The following SCAF8 variants were observed in gnomAD, a reference collection of about 807,000 sequenced individuals.
The protein encoded by SCAF8 is SR-related and CTD-associated factor 8.
A neutral mutation model predicts 140.5 loss-of-function variants in SCAF8; 23 were observed. The ratio of observed to expected loss-of-function variants is 0.16; its 90% CI spans 0.12 to 0.23. The LOEUF is 0.23. Ranked by LOEUF, SCAF8 falls within the 10% of genes least tolerant of loss-of-function variation. SCAF8 has a pLI of 1.00. For synonymous variants in SCAF8, 575 were observed against 528.9 expected (o/e 1.09, Z -1.20); for missense variants, 1,397 against 1,555.7 (o/e 0.90, Z 1.72).
chr6:154,768,582 C>A (rs913734022), intron 1 of SCAF8, among the ~76,000 whole-genome samples: 1 of 152,138 alleles, frequency 6.6e-6, no homozygotes, highest in African/African-American at 2.4e-5. Flanking sequence ...GTTTCTCTCT[C>A]CTGTGAATGG....
At chr6:154,735,912 T>G (rs1035095503) in intron 1 of SCAF8, among the ~76,000 whole-genome samples, 4 of 151,016 alleles carry the variant, frequency 2.6e-5, no homozygotes, top group Admixed American at 2.6e-4. Flanking sequence ...CTGCATCCTT[T>G]GCCTCCCGGG....
intron 7 of SCAF8, among the ~76,000 whole-genome samples, chr6:154,802,827 A>G (rs1334999424): frequency 1.3e-5 from 2 of 152,152 alleles, no homozygotes; most frequent in East Asian, 1.9e-4. Context: ...TCTTTAATCA[A>G]TATGTAAAAT....
At chr6:154,788,537 G>A (rs1217370371) in intron 4 of SCAF8, among the ~76,000 whole-genome samples, 2 of 152,214 alleles carry the variant, frequency 1.3e-5, no homozygotes, top group Non-Finnish European at 2.9e-5. Context: ...ATAGAAAGAT[G>A]TAGCAGATTT....
intron 14 of SCAF8, among the ~76,000 whole-genome samples, chr6:154,819,944 A>G (rs958491304): frequency 3.9e-5 from 6 of 152,104 alleles, no homozygotes; most frequent in Non-Finnish European, 8.8e-5. Context: ...AACCATGATC[A>G]TGCCACTGCA....
intron 14 of SCAF8, among the ~76,000 whole-genome samples, chr6:154,819,062 T>A (rs974569083): frequency 6.9e-6 from 1 of 143,958 alleles, no homozygotes; most frequent in Non-Finnish European, 1.5e-5. Flanking sequence ...TTTTATTTTC[T>A]TCCTAATCTT....
intron 1 of SCAF8, among the ~76,000 whole-genome samples, chr6:154,734,767 C>T (rs1389793149): frequency 6.6e-6 from 1 of 152,176 alleles, no homozygotes; most frequent in African/African-American, 2.4e-5. Flanking sequence ...TTAATGTAAA[C>T]ATCAAACATA....
At position 154,820,265 on chromosome 6, in the gene SCAF8, A is replaced by C. The variant is rs893985416; in HGVS notation, c.1724A>C (p.Lys575Thr). The change falls in exon 15 of 20, where the codon AAA becomes ACA. Residue 575 changes from lysine to threonine, a missense_variant. Lys to Thr is a moderately conservative substitution (Grantham distance 78). Around this residue, in one of 5 missense-constraint regions of SCAF8, gnomAD observed 930 missense variants for 874.6 expected, o/e 1.06. Transcript: ENST00000367178. ...GGAGTTACATATATACCATGGGAAA[A>C]AGTTAAAGTGGATGACTTGGAAGGT... Reference protein sequence around the residue: ...DLGVTYIPWEKVKVDDLEGFA... With the variant: ...DLGVTYIPWETVKVDDLEGFA... 3.1e-6 allele frequency: 5 copies of C among 1,612,404 alleles called. No individual in the cohort carries two copies. The highest frequency in any genetic ancestry group is 3.4e-6 in the Non-Finnish European group (4 of 1,179,432).
In SCAF8 at chr6:154,733,543, T is replaced by C; in HGVS notation, c.-358T>C. On this transcript the variant is annotated 5_prime_UTR_variant, in exon 1 of 20. Transcript: ENST00000367178. ...CGTCGGAGGAAGGGGCAGAAGGGAG[T>C]GGAGAGTGTAGGGGAAGGGGCTAGA... 7.8e-7 allele frequency: 1 copy of C among 1,284,042 alleles called. No individual in the cohort carries two copies. Among genetic ancestry groups the C allele is most frequent in the South Asian group, 2.4e-5 (1 of 42,512 alleles). 79.5% of individuals were successfully genotyped at this position (1,284,042 alleles called of 1,614,324 possible). A position where few individuals can be genotyped will look rare whatever the true frequency, so the allele number is the denominator to read the frequency against.
At chr6:154,829,459 C>T (rs1778665296) in intron 18 of SCAF8, among the ~76,000 whole-genome samples, 1 of 152,012 alleles carries the variant, frequency 6.6e-6, no homozygotes, top group African/African-American at 2.4e-5. Context: ...CAGTAATTCT[C>T]CAAGCTTCTG....
chr6:154,818,531 C>G lies in SCAF8; in HGVS notation c.1574C>G (p.Ala525Gly), dbSNP rs746437678. ...GTCTGCATGGTTCATCGACAAGATG[C>G]ATTTCGAGCTCTTCAGAAACTCAGT... ...AYVCMVHRQD[A>G]FRALQKLSSG... The change falls in exon 14 of 20, where the codon GCA (alanine) becomes GGA (glycine). Residue 525 changes from alanine to glycine, a missense_variant. Transcript: ENST00000367178. 3.1e-6 allele frequency: 5 copies of G among 1,609,420 alleles called. No individual in the cohort carries two copies. In the South Asian group the frequency reaches 5.5e-5, roughly 18 times the overall value.
intron 2 of SCAF8, among the ~76,000 whole-genome samples, chr6:154,775,300 T>C (rs188406344): frequency 6.6e-6 from 1 of 152,134 alleles, no homozygotes; most frequent in African/African-American, 2.4e-5. Flanking sequence ...TTCAAAGACA[T>C]GATTATTTAG....
rs1777785791 is a variant in SCAF8 at position 154,801,990 on chromosome 6, C to G, written c.626C>G (p.Thr209Ser). The change falls in exon 7 of 20, where the codon ACC (threonine) becomes AGC (serine). Residue 209 changes from threonine (T) to serine (S), a missense_variant. Physicochemically the swap from Thr to Ser is moderately conservative, Grantham distance 58. Around this residue, in one of 5 missense-constraint regions of SCAF8, gnomAD observed 339 missense variants for 407.5 expected, o/e 0.83. Transcript: ENST00000367178. ...QGQQLQQLIQ[T>S]LQIQQQKPQP... ...CTCCAGCTTCAACAATTAATACAAA[C>G]CTTACAGATACAACAACAGAAGCCC... 1.2e-6 allele frequency: 2 copies of G among 1,600,240 alleles called. No individual in the cohort carries two copies. Among genetic ancestry groups the G allele is most frequent in the Admixed American group, 1.8e-5 (1 of 56,318 alleles).
Position 154,790,489 on chromosome 6 carries a change from ATTTTTTTTTTTTTTTTTTT to A in SCAF8, c.322-2313_322-2295del, listed in dbSNP as rs57095332. ...TTGTAAAACATATACATTTAACAGA[ATTTTTTTTTTTTTTTTTTT>A]TTTTTTTTTTTTTTTTTTTTGAGAC... On this transcript the variant is annotated intron_variant, in intron 4 of 19. Coordinates refer to ENST00000367178, the MANE Select transcript of SCAF8 (RefSeq NM_014892.5). Among the ~76,000 whole-genome samples, 72 of 70,882 alleles carry A rather than the reference ATTTTTTTTTTTTTTTTTTT, an allele frequency of 1.0e-3. 1 individual carries two copies. Among genetic ancestry groups the A allele is most frequent in the African/African-American group, 2.8e-3 (52 of 18,800 alleles). The allele number at this position is 70,882 out of a possible 152,430, so 46.5% of individuals were successfully genotyped here.
At chr6:154,774,683 T>A (rs1237072742) in intron 2 of SCAF8, among the ~76,000 whole-genome samples, 1 of 152,196 alleles carries the variant, frequency 6.6e-6, no homozygotes, top group Non-Finnish European at 1.5e-5. Context: ...ACTCATTGTA[T>A]CAGGTATTTG....
chr6:154,735,838 T>A (rs533804731), intron 1 of SCAF8, among the ~76,000 whole-genome samples: 1 of 151,916 alleles, frequency 6.6e-6, no homozygotes, highest in African/African-American at 2.4e-5. Context: ...ATAGCTATCT[T>A]TCTTTTTTTG....
At chr6:154,802,721 G>A (rs1317589961) in intron 7 of SCAF8, among the ~76,000 whole-genome samples, 3 of 152,128 alleles carry the variant, frequency 2.0e-5, no homozygotes, top group Non-Finnish European at 4.4e-5. Context: ...ACTGAGGCAA[G>A]TGATTACTTT....
chr6:154,748,684 T>C (rs1434398593), intron 1 of SCAF8, among the ~76,000 whole-genome samples: 1 of 152,214 alleles, frequency 6.6e-6, no homozygotes, highest in Non-Finnish European at 1.5e-5. Flanking sequence ...TTATTCTCAT[T>C]TTATGAGATA....
At chr6:154,785,118 T>C (rs991642370) in intron 3 of SCAF8, among the ~76,000 whole-genome samples, 1 of 152,264 alleles carries the variant, frequency 6.6e-6, no homozygotes, top group Non-Finnish European at 1.5e-5. Context: ...GTATTCTTTT[T>C]ATACAGTTCT....
intron 4 of SCAF8, among the ~76,000 whole-genome samples, chr6:154,791,132 ATTC>A (rs1249131356): frequency 2.0e-5 from 3 of 152,216 alleles, no homozygotes; most frequent in African/African-American, 7.2e-5. Flanking sequence ...TTGAGACATT[ATTC>A]TTCATTGGGC....
Sources: allele counts gnomAD v4.1 joint callset (sites outside exome capture counted in the v4.1 genomes callset), GRCh38; gene constraint gnomAD v4.1.1; regional missense constraint gnomAD v4.1.1; transcripts MANE v1.5; gene names NCBI Gene and HGNC (gene_info 2026-07-23, HGNC 2026-07-21).